The following PRRC2B variants were observed in gnomAD, a reference collection of about 807,000 sequenced individuals.
PRRC2B encodes protein PRRC2B.
PRRC2B carries 68 observed loss-of-function variants against 242.3 expected under a neutral mutation model. That is an observed-to-expected ratio of 0.28 (90% CI 0.23 to 0.34). The LOEUF (loss-of-function observed/expected upper bound fraction) is 0.34, where lower values mean the gene tolerates loss of function less well. PRRC2B is among the 10% of genes least tolerant of loss of function. The probability of loss-of-function intolerance (pLI) is 1.00; values close to 1 mark genes in which losing one functional copy is unlikely to be tolerated. For synonymous variants in PRRC2B, 1,228 were observed against 1,173.6 expected (o/e 1.05, Z -0.95); for missense variants, 2,835 against 2,954.8 (o/e 0.96, Z 0.94).
intron 11 of PRRC2B, among the ~76,000 whole-genome samples, chr9:131,464,094 G>A (rs1047262684): frequency 6.6e-6 from 1 of 151,784 alleles, no homozygotes; most frequent in African/African-American, 2.4e-5. Context: ...GGTGCACTCC[G>A]CCATGCCCAG....
intron 15 of PRRC2B, 46 bp downstream of exon 15, chr9:131,473,770 C>T: frequency 6.8e-7 from 1 of 1,470,026 alleles, no homozygotes. Flanking sequence ...AAGGAGGACT[C>T]CAGGTCCTAA....
chr9:131,417,730 C>T (rs998601199), intron 1 of PRRC2B, among the ~76,000 whole-genome samples: 3 of 152,140 alleles, frequency 2.0e-5, no homozygotes, highest in African/African-American at 4.8e-5. Context: ...CAGAAGCCCC[C>T]TGTATTCTAA....
At chr9:131,428,357 G>GCTACA (rs1399909844) in intron 1 of PRRC2B, among the ~76,000 whole-genome samples, 1 of 151,648 alleles carries the variant, frequency 6.6e-6, no homozygotes, top group Non-Finnish European at 1.5e-5. Flanking sequence ...AGTACCTGGG[G>GCTACA]CTACAGGTGC....
intron 1 of PRRC2B, among the ~76,000 whole-genome samples, chr9:131,387,228 C>T (rs1836837809): frequency 6.7e-6 from 1 of 150,198 alleles, no homozygotes. Context: ...CTCGAACTCC[C>T]GATCTCAGGT....
intron 1 of PRRC2B, among the ~76,000 whole-genome samples, chr9:131,425,817 A>C (rs1041823963): frequency 6.6e-6 from 1 of 151,772 alleles, no homozygotes; most frequent in Non-Finnish European, 1.5e-5. Context: ...ATATTTATAT[A>C]AACAAATGTA....
intron 1 of PRRC2B, among the ~76,000 whole-genome samples, chr9:131,420,473 C>CTT (rs1333026098): frequency 1.6e-4 from 2 of 12,634 alleles, no homozygotes; most frequent in East Asian, 2.1e-3. Flanking sequence ...TTCTTTCTTT[C>CTT]TTTCTTTCTT....
chr9:131,392,405 A>T (rs1481748478), upstream of PRRC2B, among the ~76,000 whole-genome samples: 1 of 152,154 alleles, frequency 6.6e-6, no homozygotes, highest in Admixed American at 6.6e-5. Context: ...CTTACAGATG[A>T]AGAACCTGAG....
intron 10 of PRRC2B, among the ~76,000 whole-genome samples, chr9:131,457,608 ACT>A (rs1226189345): frequency 1.3e-5 from 2 of 151,506 alleles, no homozygotes; most frequent in Admixed American, 6.6e-5. Flanking sequence ...ACTTGCCCTG[ACT>A]CTGTCTCCTC....
intron 30 of PRRC2B, among the ~76,000 whole-genome samples, chr9:131,493,058 G>A (rs1169066406): frequency 1.3e-5 from 2 of 152,170 alleles, no homozygotes; most frequent in African/African-American, 4.8e-5. Context: ...CGACTACACA[G>A]GTACTTGTGG....
At chr9:131,439,415 C>A (rs1455821915) in intron 5 of PRRC2B, among the ~76,000 whole-genome samples, 2 of 152,152 alleles carry the variant, frequency 1.3e-5, no homozygotes, top group Non-Finnish European at 2.9e-5. Flanking sequence ...GCAGACGATT[C>A]AAAGGAATGT....
chr9:131,466,683 GGTGTGATCTC>G (rs999162382), intron 12 of PRRC2B, among the ~76,000 whole-genome samples: 1 of 151,734 alleles, frequency 6.6e-6, no homozygotes, highest in African/African-American at 2.4e-5. Context: ...GGAGTGCAAT[GGTGTGATCTC>G]ACTGCAACCT....
At position 131,498,584 on chromosome 9, in the gene PRRC2B, C is replaced by T. The variant is rs112441273; in HGVS notation, c.*2710C>T. 3.9e-5 allele frequency: 6 copies of T among 152,234 alleles called. No individual in the cohort carries two copies. Among genetic ancestry groups the T allele is most frequent in the South Asian group, 2.1e-4 (1 of 4,830 alleles). 9.4% of individuals were successfully genotyped at this position (152,234 alleles called of 1,614,324 possible). Reference sequence around the variant, plus strand: ...TAGAGCCAAGCTCAAGGTAGTAGGACGTAGGGTCTTATTTTGTTTTCAAAC... The same window carrying T: ...TAGAGCCAAGCTCAAGGTAGTAGGATGTAGGGTCTTATTTTGTTTTCAAAC... On this transcript the variant is annotated 3_prime_UTR_variant, in exon 32 of 32. Transcript: ENST00000683519.
chr9:131,481,956 C>T lies in PRRC2B; in HGVS notation c.4983+148C>T, dbSNP rs996129473. On this transcript the variant is annotated intron_variant, in intron 20 of 31. Transcript: ENST00000683519. ...TAGGTTGTTTCCATGGGGCCAAGCT[C>T]ATCAGTGGTTTTCCATCTTGATTTC... is the stretch of plus-strand genomic sequence containing the variant. 4.1e-6 allele frequency: 3 copies of T among 739,126 alleles called. No individual in the cohort carries two copies. The African/African-American group carries it at 5.2e-5, about 13-fold the overall frequency. The allele number at this position is 739,126 out of a possible 1,614,324, so 45.8% of individuals were successfully genotyped here.
chr9:131,475,186 A>G lies in PRRC2B; in HGVS notation c.3057A>G (p.Lys1019=). 1 of 1,613,682 alleles carries G rather than the reference A, an allele frequency of 6.2e-7. No individual in the cohort carries two copies. The highest frequency in any genetic ancestry group is 8.5e-7 in the Non-Finnish European group (1 of 1,179,814). ...GHATFGREAT[K]FEEEEKPDKA... ...CCACTTTTGGCCGCGAGGCCACCAA[A>G]TTTGAAGAGGAGGAGAAACCTGACA... The change falls in exon 16 of 32, where the codon AAA becomes AAG. Residue 1019 remains lysine, a synonymous_variant. Coordinates refer to ENST00000683519, the MANE Select transcript of PRRC2B (RefSeq NM_013318.4).
At chr9:131,489,838 G>A (rs960872177) in intron 28 of PRRC2B, among the ~76,000 whole-genome samples, 15 of 151,962 alleles carry the variant, frequency 9.9e-5, no homozygotes, top group African/African-American at 3.1e-4. Context: ...TGCTGACCCC[G>A]TAATCCCGCC....
chr9:131,477,764 C>T lies in PRRC2B; in HGVS notation c.4427C>T (p.Pro1476Leu). The change falls in exon 17 of 32, where the codon CCT (proline) becomes CTT (leucine). Residue 1476 changes from proline (P) to leucine (L), a missense_variant. This residue lies in a region of PRRC2B where 1,536 missense variants were observed against 1,483.1 expected (regional missense o/e 1.04). Transcript: ENST00000683519. Reference sequence around the variant, plus strand: ...TACAGATCCCCAGACGAGGCCTTGCCTGGAGGTCTTAGTGGCTGCAGCAGT... The same window carrying T: ...TACAGATCCCCAGACGAGGCCTTGCTTGGAGGTCTTAGTGGCTGCAGCAGT... ...KVKRSPDEAL[P>L]GGLSGCSSGS... 3 of 1,608,398 alleles carry T rather than the reference C, an allele frequency of 1.9e-6. No individual in the cohort carries two copies. In the South Asian group the frequency reaches 3.3e-5, roughly 18 times the overall value.
Position 131,482,143 on chromosome 9 carries a change from G to T in PRRC2B, c.4984-228G>T, listed in dbSNP as rs534004545. Among the ~76,000 whole-genome samples, 8 of 152,222 alleles carry T rather than the reference G, an allele frequency of 5.3e-5. No homozygotes were observed. The highest frequency in any genetic ancestry group is 1.9e-4 in the African/African-American group (8 of 41,448). ...CAAGTGAGATGGGTTTGGCAGCCTC[G>T]GTCTGGGGCCCATAGAAGATCCTGT... On this transcript the variant is annotated intron_variant, in intron 20 of 31. Coordinates refer to ENST00000683519, the MANE Select transcript of PRRC2B (RefSeq NM_013318.4). The surrounding 1 kb of genome is among the most constrained non-coding windows in gnomAD (Gnocchi z 5.2).
At chr9:131,417,096 C>T (rs1837679977) in intron 1 of PRRC2B, among the ~76,000 whole-genome samples, 1 of 152,088 alleles carries the variant, frequency 6.6e-6, no homozygotes, top group East Asian at 1.9e-4. Flanking sequence ...GAGTGGGTGC[C>T]TGGATGGGAG....
intron 17 of PRRC2B, 24 bp from the exon 18 acceptor site, chr9:131,478,450 C>G (rs1000184818): frequency 6.2e-7 from 1 of 1,610,680 alleles, no homozygotes; most frequent in African/African-American, 1.3e-5. Flanking sequence ...AAAGACTGTT[C>G]CTTCTCGTGA....
Sources: allele counts gnomAD v4.1 joint callset (sites outside exome capture counted in the v4.1 genomes callset), GRCh38; gene constraint gnomAD v4.1.1; regional missense constraint gnomAD v4.1.1; non-coding constraint Gnocchi (gnomAD v3.1); transcripts MANE v1.5; gene names NCBI Gene and HGNC (gene_info 2026-07-23, HGNC 2026-07-21).